OSBPL9: variants seen among roughly 807,000 people sequenced by gnomAD.
The protein encoded by OSBPL9 is oxysterol-binding protein-related protein 9.
A neutral mutation model predicts 106.6 loss-of-function variants in OSBPL9; 40 were observed. The ratio of observed to expected loss-of-function variants is 0.38; its 90% CI spans 0.29 to 0.49. The LOEUF (loss-of-function observed/expected upper bound fraction) is 0.49, where lower values mean the gene tolerates loss of function less well. OSBPL9 is among the 20% of genes least tolerant of loss of function. The probability of loss-of-function intolerance (pLI) is 0.97; values close to 1 mark genes in which losing one functional copy is unlikely to be tolerated. For synonymous variants in OSBPL9, 269 were observed against 295.4 expected (o/e 0.91, Z 0.92); for missense variants, 609 against 887.2 (o/e 0.69, Z 3.98).
At chr1:51,605,539 A>G (rs1183393707) in intron 2 of OSBPL9, among the ~76,000 whole-genome samples, 1 of 152,262 alleles carries the variant, frequency 6.6e-6, no homozygotes, top group Non-Finnish European at 1.5e-5. Context: ...GACATTCAAC[A>G]CAGAGAAGAC....
chr1:51,741,573 C>CTT (rs574695704), intron 4 of OSBPL9, among the ~76,000 whole-genome samples: 4 of 141,420 alleles, frequency 2.8e-5, no homozygotes, highest in Non-Finnish European at 4.6e-5. Context: ...CTCTTTCTTT[C>CTT]TTTTTTTTTT....
chr1:51,716,553 C>T (rs1661093320), intron 4 of OSBPL9, among the ~76,000 whole-genome samples: 2 of 152,162 alleles, frequency 1.3e-5, no homozygotes, highest in South Asian at 4.1e-4. Context: ...ATGTTAGTTG[C>T]CATTACAATG....
chr1:51,551,884 T>G, the OSBPL9 span, among the ~76,000 whole-genome samples: 11 of 152,158 alleles, frequency 7.2e-5, no homozygotes, highest in African/African-American at 1.9e-4. Context: ...TGAGACACCG[T>G]GTCCAGCCTT....
At chr1:51,616,804 G>A (rs181024488), upstream of OSBPL9, 43 of 261,782 alleles carry the variant, frequency 1.6e-4, no homozygotes, top group Middle Eastern at 2.7e-3. Context: ...GAAGTGGAAG[G>A]TATCATGGCC....
chr1:51,596,457 G>C (rs960734757), intron 1 of OSBPL9, among the ~76,000 whole-genome samples: 3 of 151,014 alleles, frequency 2.0e-5, no homozygotes, highest in Non-Finnish European at 4.4e-5. Flanking sequence ...TACTTGAGAG[G>C]CTGAGGCAGG....
chr1:51,778,695 A>G (rs1056905480), intron 15 of OSBPL9, among the ~76,000 whole-genome samples: 9 of 152,242 alleles, frequency 5.9e-5, no homozygotes, highest in South Asian at 2.1e-4. Context: ...TCAGGGTCTC[A>G]TGAAGCAAGT....
intron 3 of OSBPL9, among the ~76,000 whole-genome samples, chr1:51,694,418 A>C (rs980882938): frequency 1.3e-5 from 2 of 152,226 alleles, no homozygotes; most frequent in Non-Finnish European, 1.5e-5. Flanking sequence ...ATGTAGCCTC[A>C]ACAGATACGT....
chr1:51,677,235 T>C (rs895376611), intron 3 of OSBPL9, among the ~76,000 whole-genome samples: 27 of 152,224 alleles, frequency 1.8e-4, no homozygotes, highest in Non-Finnish European at 2.9e-5. Context: ...TCTGATGCAC[T>C]CTTAAGTTTG....
At chr1:51,541,278 C>T in the OSBPL9 span, among the ~76,000 whole-genome samples, 2 of 152,194 alleles carry the variant, frequency 1.3e-5, no homozygotes, top group African/African-American at 4.8e-5. Context: ...AGAAGGAACT[C>T]TAGAAATATC....
In OSBPL9 at chr1:51,787,487, G is replaced by A. The variant is rs764654948; in HGVS notation, c.2135G>A (p.Arg712Lys). 4.6e-5 allele frequency: 75 copies of A among 1,613,750 alleles called. No homozygotes were observed. Among genetic ancestry groups the A allele is most frequent in the Admixed American group, 8.3e-5 (5 of 59,974 alleles). Residue 712 changes from arginine (R) to lysine (K), a missense_variant and splice_region_variant, in exon 23 of 24, where the codon AGG becomes AAG. Around this residue, in one of 5 missense-constraint regions of OSBPL9, gnomAD observed 132 missense variants for 158.1 expected, o/e 0.83. Transcript: ENST00000428468. ...RKEKEIQWET[R>K]LFHEDGECWV... ...GAGAAGGAAATTCAGTGGGAGACAA[G>A]GGTAAGCTTGCCTGCCCCACCCTCC... is the stretch of plus-strand genomic sequence containing the variant.
chr1:51,694,072 G>A (rs1002451165), intron 3 of OSBPL9, among the ~76,000 whole-genome samples: 1 of 152,148 alleles, frequency 6.6e-6, no homozygotes, highest in Non-Finnish European at 1.5e-5. Flanking sequence ...AGACTTTTTG[G>A]TCTGAGGATC....
chr1:51,537,131 A>G, the OSBPL9 span, among the ~76,000 whole-genome samples: 6 of 152,352 alleles, frequency 3.9e-5, no homozygotes, highest in East Asian at 3.9e-4. Flanking sequence ...TTCTACTGTA[A>G]GCAAGAAGGT....
rs148242946 is a variant in OSBPL9, at chr1:51,764,594, T to C, written c.779-1228T>C. ...AGTGACTCTGGATTCTTTTTTTTTT[T>C]TTTTTGAGACAAGGTCTCACTCTGT... On this transcript the variant is annotated intron_variant, in intron 11 of 23. Coordinates refer to ENST00000428468, the MANE Select transcript of OSBPL9 (RefSeq NM_024586.6). Among the ~76,000 whole-genome samples, 355 of 152,042 alleles carry C rather than the reference T, an allele frequency of 2.3e-3. 2 individuals are homozygous for C. Among genetic ancestry groups the C allele is most frequent in the African/African-American group, 8.2e-3 (340 of 41,456 alleles).
chr1:51,752,849 G>T, intron 8 of OSBPL9: 1 of 223,238 alleles, frequency 4.5e-6, no homozygotes, highest in African/African-American at 2.2e-5. Context: ...TTTAACCTTA[G>T]TTACTTCTGT....
At chr1:51,748,031 C>T (rs1490790020) in intron 6 of OSBPL9, among the ~76,000 whole-genome samples, 1 of 152,054 alleles carries the variant, frequency 6.6e-6, no homozygotes, top group African/African-American at 2.4e-5. Flanking sequence ...CCTCATGATC[C>T]GCCCACCTCG....
the OSBPL9 span, among the ~76,000 whole-genome samples, chr1:51,542,472 C>A: frequency 1.3e-5 from 2 of 152,154 alleles, no homozygotes; most frequent in African/African-American, 4.8e-5. Context: ...TAAGGGCAAC[C>A]ATTTGAACGG....
At chr1:51,606,586 G>A (rs1451554374) in intron 2 of OSBPL9, among the ~76,000 whole-genome samples, 1 of 152,166 alleles carries the variant, frequency 6.6e-6, no homozygotes, top group East Asian at 1.9e-4. Flanking sequence ...CAATAATGCT[G>A]CTTATTTCAG....
intron 1 of OSBPL9, among the ~76,000 whole-genome samples, chr1:51,592,075 G>A (rs1176578125): frequency 6.7e-6 from 1 of 148,820 alleles, no homozygotes; most frequent in Non-Finnish European, 1.5e-5. Flanking sequence ...TTCAAAGTAG[G>A]CACCTGACCT....
intron 2 of OSBPL9, among the ~76,000 whole-genome samples, chr1:51,666,293 C>T (rs538449224): frequency 4.6e-5 from 7 of 152,146 alleles, no homozygotes; most frequent in Admixed American, 1.3e-4. Context: ...CAAAAAGCTC[C>T]TCTCTGAAAG....
Sources: allele counts gnomAD v4.1 joint callset (sites outside exome capture counted in the v4.1 genomes callset), GRCh38; gene constraint gnomAD v4.1.1; regional missense constraint gnomAD v4.1.1; transcripts MANE v1.5; gene names NCBI Gene and HGNC (gene_info 2026-07-23, HGNC 2026-07-21).